ARID3B: variants seen among roughly 807,000 people sequenced by gnomAD.
ARID3B encodes the protein AT-rich interactive domain-containing protein 3B.
A neutral mutation model predicts 51.9 loss-of-function variants in ARID3B; 10 were observed. The ratio of observed to expected loss-of-function variants is 0.19; its 90% CI spans 0.12 to 0.33. The LOEUF (loss-of-function observed/expected upper bound fraction) is 0.33. Ranked by LOEUF, ARID3B falls within the 10% of genes least tolerant of loss-of-function variation. The probability of loss-of-function intolerance (pLI) is 1.00; values close to 1 mark genes in which losing one functional copy is unlikely to be tolerated. For missense variants in ARID3B, 483 were observed against 716.3 expected, an observed-to-expected ratio of 0.67 and a Z score of 3.72; for synonymous variants, 205 against 279.5, an observed-to-expected ratio of 0.73 and a Z score of 2.66.
intron 5 of ARID3B, among the ~76,000 whole-genome samples, chr15:74,590,689 C>T (rs1364621879): frequency 6.6e-6 from 1 of 152,154 alleles, no homozygotes; most frequent in African/African-American, 2.4e-5. Flanking sequence ...GTAGCTACAA[C>T]CAGAATGGCA....
At chr15:74,575,085 ATCCACTTAATACTTTGGT>A (rs1376259359) in intron 4 of ARID3B, 1 of 152,002 alleles carries the variant, frequency 6.6e-6, no homozygotes, top group Non-Finnish European at 1.5e-5. Context: ...TGAGAGAGAA[ATCCACTTAATACTTTGGT>A]CTCCCCTTCC....
intron 4 of ARID3B, among the ~76,000 whole-genome samples, chr15:74,580,190 TA>T (rs1355856267): frequency 1.3e-5 from 2 of 151,910 alleles, no homozygotes; most frequent in East Asian, 3.9e-4. Context: ...AAAAAACAAA[TA>T]AAAAACAAAA....
rs748122156 is a variant in ARID3B at position 74,589,980 on chromosome 15, C to T, written c.858C>T (p.Ser286=). ...TAAACCTGCCCACATCCATCACCAG[C>T]GCCGCCTTCACCCTCAGGACGCAGT... ...KGLNLPTSIT[S]AAFTLRTQYM... Residue 286 remains serine (S), a synonymous_variant, in exon 5 of 9, where the codon AGC becomes AGT. Transcript: ENST00000346246. 91 of 1,612,748 alleles carry T rather than the reference C, an allele frequency of 5.6e-5. No individual in the cohort carries two copies. The highest frequency in any genetic ancestry group is 4.3e-4 in the South Asian group (39 of 90,926).
At chr15:74,557,400 G>C (rs1180609871) in intron 2 of ARID3B, among the ~76,000 whole-genome samples, 1 of 151,032 alleles carries the variant, frequency 6.6e-6, no homozygotes, top group African/African-American at 2.5e-5. Flanking sequence ...GGATGAGAGT[G>C]AGACCCTGTC....
chr15:74,576,652 C>T (rs557779081), intron 4 of ARID3B, among the ~76,000 whole-genome samples: 17 of 151,954 alleles, frequency 1.1e-4, no homozygotes, highest in South Asian at 2.1e-4. Flanking sequence ...AAAGTGAGAC[C>T]CTGTCTCAAA....
intron 4 of ARID3B, among the ~76,000 whole-genome samples, chr15:74,587,252 A>G (rs1421555938): frequency 6.6e-6 from 1 of 152,206 alleles, no homozygotes; most frequent in African/African-American, 2.4e-5. Context: ...GCAGGCATCT[A>G]ACTGTGGGCC....
intron 8 of ARID3B, among the ~76,000 whole-genome samples, chr15:74,593,613 G>A (rs2061812401): frequency 6.6e-6 from 1 of 152,144 alleles, no homozygotes; most frequent in African/African-American, 2.4e-5. Context: ...CCCCAGTATA[G>A]GAGAATCAGC....
intron 7 of ARID3B, 53 bp from the exon 8 acceptor site, chr15:74,593,085 C>T: frequency 1.3e-6 from 2 of 1,544,694 alleles, no homozygotes; most frequent in Non-Finnish European, 8.9e-7. Context: ...GAGAGGACAA[C>T]AGGAGTGCTG....
rs996506682 is a variant in ARID3B, at chr15:74,595,521, G to A, written c.1520-90G>A. The A allele has an allele frequency of 4.1e-6, 6 of 1,458,114 alleles. 1 individual carries two copies. Among genetic ancestry groups the A allele is most frequent in the Middle Eastern group, 3.6e-4 (2 of 5,566 alleles). The allele number at this position is 1,458,114 out of a possible 1,614,324, so 90.3% of individuals were successfully genotyped here. A position where few individuals can be genotyped will look rare whatever the true frequency, so the allele number is the denominator to read the frequency against. On this transcript the variant is annotated intron_variant, in intron 8 of 8. Transcript: ENST00000346246. The stretch of plus-strand genomic sequence containing the variant: ...GTGTCTACAGCGGAGTCAGGCACAG[G>A]CTAGGCCAGCGGTGAATACTTACTG...
chr15:74,595,909 C>T lies in ARID3B; in HGVS notation c.*135C>T, dbSNP rs570715531. 20 of 980,084 alleles carry T rather than the reference C, an allele frequency of 2.0e-5. No individual in the cohort carries two copies. Among genetic ancestry groups the T allele is most frequent in the East Asian group, 1.3e-4 (5 of 37,522 alleles). The allele number at this position is 980,084 out of a possible 1,614,324, so 60.7% of individuals were successfully genotyped here. A position where few individuals can be genotyped will look rare whatever the true frequency, so the allele number is the denominator to read the frequency against. Reference sequence around the variant, plus strand: ...CAGACATTGAGAGTTTGGACGTGTCCGTCTGTCCAGGCTCCATTCAGGTCC... The same window carrying T: ...CAGACATTGAGAGTTTGGACGTGTCTGTCTGTCCAGGCTCCATTCAGGTCC... On this transcript the variant is annotated 3_prime_UTR_variant, in exon 9 of 9. Coordinates refer to ENST00000346246, the MANE Select transcript of ARID3B (RefSeq NM_006465.4).
chr15:74,558,072 C>T (rs914209515), intron 2 of ARID3B, among the ~76,000 whole-genome samples: 14 of 151,982 alleles, frequency 9.2e-5, no homozygotes, highest in Middle Eastern at 3.4e-3. Flanking sequence ...CCGCCCACCT[C>T]GGCCTCCCAA....
chr15:74,595,665 A>G lies in ARID3B; in HGVS notation c.1574A>G (p.Gln525Arg), dbSNP rs1567128565. ...CACCTCATCACGGGGTCTGCTCCCC[A>G]GAGCCTCGGCAGCAGCGCCAGCAGC... ...VVHLITGSAP[Q>R]SLGSSASSSS... The change falls in exon 9 of 9, where the codon CAG becomes CGG. Residue 525 changes from glutamine (Q) to arginine (R), a missense_variant. Gln to Arg is a conservative substitution (Grantham distance 43). This residue lies in a region of ARID3B where 265 missense variants were observed against 354.4 expected (regional missense o/e 0.75). Coordinates refer to ENST00000346246, the MANE Select transcript of ARID3B (RefSeq NM_006465.4). 6.2e-7 allele frequency: 1 copy of G among 1,613,676 alleles called. No individual in the cohort carries two copies. Among genetic ancestry groups the G allele is most frequent in the Non-Finnish European group, 8.5e-7 (1 of 1,179,710 alleles).
At chr15:74,590,038 G>T in intron 5 of ARID3B, 35 bp downstream of exon 5, 1 of 1,557,022 alleles carries the variant, frequency 6.4e-7, no homozygotes, top group African/African-American at 1.4e-5. Context: ...GGAAGCTGAG[G>T]CTGGAGAAAG....
Position 74,591,025 on chromosome 15 carries a change from A to G in ARID3B, c.882-126A>G. ...CCCAGACTTTTCTGCCAAGTATACC[A>G]AGGTTGCAATCCTTTGCCCTAGAGT... On this transcript the variant is annotated intron_variant, in intron 5 of 8. Transcript: ENST00000346246. This position sits in a 1 kb window ranked among gnomAD's most constrained non-coding sequence, Gnocchi z 5.8. 6 of 1,425,420 alleles carry G rather than the reference A, an allele frequency of 4.2e-6. No individual in the cohort carries two copies. The South Asian group carries it at 7.3e-5, about 17-fold the overall frequency. The allele number at this position is 1,425,420 out of a possible 1,614,324, so 88.3% of individuals were successfully genotyped here.
chr15:74,557,817 C>CTTTTT (rs11307414), intron 2 of ARID3B, among the ~76,000 whole-genome samples: 40 of 109,764 alleles, frequency 3.6e-4, no homozygotes, highest in Non-Finnish European at 5.9e-4. Context: ...TTTCGACTTA[C>CTTTTT]TTTTTTTTTT....
chr15:74,589,465 C>T (rs1168028320), intron 4 of ARID3B, among the ~76,000 whole-genome samples: 4 of 152,068 alleles, frequency 2.6e-5, no homozygotes, highest in Non-Finnish European at 5.9e-5. Context: ...AGAGATAAGT[C>T]GCCAGATCAC....
chr15:74,546,430 G>A (rs1403599965), intron 2 of ARID3B, among the ~76,000 whole-genome samples: 2 of 152,234 alleles, frequency 1.3e-5, no homozygotes, highest in African/African-American at 2.4e-5. Context: ...AGCCGCATGC[G>A]AGGAACAAGT....
chr15:74,588,309 T>A (rs1169709342), intron 4 of ARID3B, among the ~76,000 whole-genome samples: 1 of 151,756 alleles, frequency 6.6e-6, no homozygotes, highest in Non-Finnish European at 1.5e-5. Flanking sequence ...CCACAGTGCT[T>A]CCTTTTCATT....
At chr15:74,547,622 G>T (rs550729294) in intron 2 of ARID3B, among the ~76,000 whole-genome samples, 1 of 152,186 alleles carries the variant, frequency 6.6e-6, no homozygotes, top group African/African-American at 2.4e-5. Flanking sequence ...CAGGTCTAGC[G>T]GTGGCAGTGT....
Sources: gnomAD v4.1 joint callset for allele counts (sites outside exome capture counted in the v4.1 genomes callset) on GRCh38, gnomAD v4.1.1 for gene constraint, gnomAD v4.1.1 regional missense constraint, Gnocchi (gnomAD v3.1) non-coding constraint, MANE v1.5 for transcripts, NCBI Gene and HGNC (gene_info 2026-07-23, HGNC 2026-07-21) for gene names.